The following CTNNA2 variants were observed in gnomAD, a reference collection of about 807,000 sequenced individuals.
CTNNA2 encodes the protein catenin alpha-2.
A neutral mutation model predicts 101.0 loss-of-function variants in CTNNA2; 42 were observed. That is an observed-to-expected ratio of 0.42 (90% CI 0.32 to 0.54). CTNNA2 has a LOEUF of 0.54. CTNNA2 is among the 20% of genes least tolerant of loss of function. CTNNA2 has a pLI of 0.14. For missense variants in CTNNA2, 871 were observed against 1,223.1 expected (o/e 0.71, Z 4.29); for synonymous variants, 450 against 456.4 (o/e 0.99, Z 0.18).
At chr2:80,106,948 G>C (rs1018153266) in intron 7 of CTNNA2, among the ~76,000 whole-genome samples, 1 of 152,166 alleles carries the variant, frequency 6.6e-6, no homozygotes, top group African/African-American at 2.4e-5. Flanking sequence ...AGCAGGTACT[G>C]GTGTAAAAGC....
chr2:79,914,611 C>T (rs1558637321), intron 7 of CTNNA2, among the ~76,000 whole-genome samples: 1 of 152,060 alleles, frequency 6.6e-6, no homozygotes, highest in Non-Finnish European at 1.5e-5. Context: ...TAATTTAGAG[C>T]TACAGTTTTC....
At chr2:79,768,469 C>T (rs1020509767) in intron 3 of CTNNA2, among the ~76,000 whole-genome samples, 3 of 151,400 alleles carry the variant, frequency 2.0e-5, no homozygotes, top group Admixed American at 6.6e-5. Context: ...AATTGGTATC[C>T]GTGGCAGGGG....
In CTNNA2 at chr2:79,670,471, A is replaced by G. The variant is rs541930835; in HGVS notation, c.102+18813A>G. On this transcript the variant is annotated intron_variant, in intron 2 of 18. Coordinates refer to ENST00000402739, the MANE Select transcript of CTNNA2 (RefSeq NM_001282597.3). ...CGTCCGGACTCAGAAGACTGACTCC[A>G]TGGAGTGTGCAGACCCAGGGCGCTT... Among the ~76,000 whole-genome samples, 7 of 152,276 alleles carry G rather than the reference A, an allele frequency of 4.6e-5. No individual in the cohort carries two copies. The South Asian group carries it at 1.4e-3, about 32-fold the overall frequency.
chr2:79,454,861 C>A (rs1670798759), intron 4 of CTNNA2, among the ~76,000 whole-genome samples: 1 of 152,136 alleles, frequency 6.6e-6, no homozygotes, highest in African/African-American at 2.4e-5. Context: ...TAGAGGCAGA[C>A]CTGTGAATAT....
intron 3 of CTNNA2, among the ~76,000 whole-genome samples, chr2:79,835,939 G>A (rs1679334110): frequency 6.6e-6 from 1 of 151,894 alleles, no homozygotes; most frequent in Admixed American, 6.6e-5. Flanking sequence ...CCCTTTCTTT[G>A]TTTTTGACTC....
chr2:79,481,816 A>G (rs1671113170), intron 4 of CTNNA2, among the ~76,000 whole-genome samples: 1 of 152,200 alleles, frequency 6.6e-6, no homozygotes, highest in East Asian at 1.9e-4. Flanking sequence ...AGAAGAAGAC[A>G]GACGGAAGAT....
intron 15 of CTNNA2, among the ~76,000 whole-genome samples, chr2:80,593,603 C>T (rs1696699898): frequency 6.6e-6 from 1 of 152,126 alleles, no homozygotes; most frequent in African/African-American, 2.4e-5. Flanking sequence ...CCTCCATCTC[C>T]AGAACATGTT....
intron 9 of CTNNA2, among the ~76,000 whole-genome samples, chr2:80,476,256 T>A (rs1467254363): frequency 6.6e-6 from 1 of 152,134 alleles, no homozygotes; most frequent in Non-Finnish European, 1.5e-5. Context: ...TCGGGGACAC[T>A]CTCTCATGTT....
At chr2:79,473,673 G>A (rs1671024179) in intron 4 of CTNNA2, among the ~76,000 whole-genome samples, 1 of 151,924 alleles carries the variant, frequency 6.6e-6, no homozygotes, top group Non-Finnish European at 1.5e-5. Flanking sequence ...CAAAAATGGA[G>A]AAAAAGAAAA....
chr2:80,556,980 A>T (rs1268242125), intron 12 of CTNNA2, among the ~76,000 whole-genome samples: 1 of 152,196 alleles, frequency 6.6e-6, no homozygotes, highest in East Asian at 1.9e-4. Flanking sequence ...TGTTGGTAGA[A>T]ATATGTTGCT....
chr2:79,740,830 GT>G (rs10635044), intron 2 of CTNNA2, among the ~76,000 whole-genome samples: 21 of 148,372 alleles, frequency 1.4e-4, no homozygotes, highest in East Asian at 2.0e-4. Context: ...ATTTGAAGAA[GT>G]TTTTTTTTTT....
At chr2:79,726,979 A>G (rs1444282031) in intron 2 of CTNNA2, among the ~76,000 whole-genome samples, 1 of 152,234 alleles carries the variant, frequency 6.6e-6, no homozygotes, top group Non-Finnish European at 1.5e-5. Context: ...ATCTGCATTC[A>G]CAAACAGCAA....
intron 1 of CTNNA2, among the ~76,000 whole-genome samples, chr2:79,192,601 C>A (rs147390165): frequency 6.6e-6 from 1 of 151,908 alleles, no homozygotes; most frequent in Non-Finnish European, 1.5e-5. Context: ...ATAAGACATG[C>A]GAATTATCTA....
At chr2:79,367,854 G>A (rs905456073) in intron 3 of CTNNA2, among the ~76,000 whole-genome samples, 1 of 152,194 alleles carries the variant, frequency 6.6e-6, no homozygotes. Flanking sequence ...TTACTCTGGT[G>A]AGAGAGGTAC....
At chr2:80,232,153 C>T (rs927514771) in intron 7 of CTNNA2, among the ~76,000 whole-genome samples, 3 of 152,056 alleles carry the variant, frequency 2.0e-5, no homozygotes, top group African/African-American at 4.8e-5. Flanking sequence ...CCAATGTATA[C>T]GTCACATGTA....
At chr2:80,496,723 C>T (rs1304290101) in intron 9 of CTNNA2, among the ~76,000 whole-genome samples, 3 of 152,154 alleles carry the variant, frequency 2.0e-5, no homozygotes, top group Admixed American at 1.3e-4. Context: ...TGCTTCATGA[C>T]TTGCATTGCT....
chr2:79,493,868 T>C (rs1671228497), intron 4 of CTNNA2: 1 of 152,170 alleles, frequency 6.6e-6, no homozygotes, highest in Non-Finnish European at 1.5e-5. Context: ...TCCTTCAGTC[T>C]TTGAACTTGC....
intron 4 of CTNNA2, among the ~76,000 whole-genome samples, chr2:79,481,229 G>A (rs72820657): frequency 0.047 from 7,172 of 152,132 alleles, 257 homozygotes; most frequent in Non-Finnish European, 0.066. Flanking sequence ...ATCATTCTGA[G>A]GAAGGTGCCT....
chr2:79,635,825 T>C (rs904854024), intron 1 of CTNNA2, among the ~76,000 whole-genome samples: 3 of 151,550 alleles, frequency 2.0e-5, no homozygotes, highest in African/African-American at 7.3e-5. Flanking sequence ...GTTCTATTCA[T>C]TGACATATGA....
Sources: gnomAD v4.1 joint callset for allele counts (sites outside exome capture counted in the v4.1 genomes callset) on GRCh38, gnomAD v4.1.1 for gene constraint, MANE v1.5 for transcripts, NCBI Gene and HGNC (gene_info 2026-07-23, HGNC 2026-07-21) for gene names.